The following GABBR2 variants were observed in gnomAD, a reference collection of about 807,000 sequenced individuals.
The protein encoded by GABBR2 is G-protein coupled receptor 51.
GABBR2 carries 23 observed loss-of-function variants against 105.6 expected under a neutral mutation model. That is an observed-to-expected ratio of 0.22 (90% confidence interval 0.16 to 0.31). The LOEUF (loss-of-function observed/expected upper bound fraction) is 0.31, where lower values mean the gene tolerates loss of function less well. GABBR2 is among the 10% of genes least tolerant of loss of function. The pLI, the probability that GABBR2 is intolerant of heterozygous loss-of-function variation, is 1.00. For synonymous variants in GABBR2, 478 were observed against 499.7 expected, an observed-to-expected ratio of 0.96 and a Z score of 0.58; for missense variants, 734 against 1,245.5, an observed-to-expected ratio of 0.59 and a Z score of 6.18.
At chr9:98,562,019 T>C (rs1272595992) in intron 2 of GABBR2, among the ~76,000 whole-genome samples, 1 of 152,196 alleles carries the variant, frequency 6.6e-6, no homozygotes, top group Admixed American at 6.5e-5. Context: ...TCTCAGCGTT[T>C]CACCCCATAG....
At chr9:98,435,306 A>G (rs1825883682) in intron 7 of GABBR2, among the ~76,000 whole-genome samples, 1 of 152,228 alleles carries the variant, frequency 6.6e-6, no homozygotes, top group African/African-American at 2.4e-5. Flanking sequence ...AGTAATGCTC[A>G]CAGTATATAT....
At chr9:98,664,853 C>T (rs2131856048) in intron 1 of GABBR2, among the ~76,000 whole-genome samples, 1 of 152,284 alleles carries the variant, frequency 6.6e-6, no homozygotes, top group South Asian at 2.1e-4. Context: ...GGGCCAGGTG[C>T]AGTGACTCAA....
rs1832223231 is a variant in GABBR2, at chr9:98,393,188, A to G, written c.1378+987T>C. Among the ~76,000 whole-genome samples the G allele has an allele frequency of 3.8e-5, 5 of 133,002 alleles. 1 individual carries two copies. The South Asian group carries it at 1.3e-3, about 33-fold the overall frequency. 87.3% of individuals were successfully genotyped at this position (133,002 alleles called of 152,430 possible). A position where few individuals can be genotyped will look rare whatever the true frequency, so the allele number is the denominator to read the frequency against. On this transcript the variant is annotated intron_variant, in intron 9 of 18. Transcript: ENST00000259455. The stretch of plus-strand genomic sequence containing the variant: ...CATCCATCCATCCATCCATCCATCT[A>G]TCCATCCACTTGATCAATTCATCTA...
At chr9:98,502,592 G>C (rs1827425948) in intron 3 of GABBR2, among the ~76,000 whole-genome samples, 1 of 152,182 alleles carries the variant, frequency 6.6e-6, no homozygotes, top group African/African-American at 2.4e-5. Context: ...GCAACTCCCT[G>C]CTACCCACAG....
At chr9:98,561,728 T>G (rs1176384940) in intron 2 of GABBR2, among the ~76,000 whole-genome samples, 1 of 151,900 alleles carries the variant, frequency 6.6e-6, no homozygotes, top group East Asian at 1.9e-4. Flanking sequence ...ACAAAAAAAT[T>G]TTAAAATTAG....
chr9:98,540,240 A>C (rs1828266624), intron 3 of GABBR2, among the ~76,000 whole-genome samples: 1 of 152,202 alleles, frequency 6.6e-6, no homozygotes, highest in African/African-American at 2.4e-5. Flanking sequence ...ATACCCACAG[A>C]CAGTGGGGCC....
chr9:98,419,643 T>G (rs1486158205), intron 7 of GABBR2, among the ~76,000 whole-genome samples: 1 of 152,202 alleles, frequency 6.6e-6, no homozygotes, highest in Non-Finnish European at 1.5e-5. Context: ...GCTTCTCATG[T>G]TCAGCTTGAT....
At chr9:98,425,914 C>T (rs1825677467) in intron 7 of GABBR2, among the ~76,000 whole-genome samples, 1 of 152,186 alleles carries the variant, frequency 6.6e-6, no homozygotes, top group African/African-American at 2.4e-5. Flanking sequence ...ATGTAGGAGG[C>T]AGCGCTGGAG....
rs534162184 is a variant in GABBR2 at position 98,402,564 on chromosome 9, G to A, written c.1297+3517C>T. ...AAGGCATGCAGTTTATTTGGAAGGT[G>A]ATCCTAGGATGCGCTGTTAGTGGTG... is the stretch of plus-strand genomic sequence containing the variant. On this transcript the variant is annotated intron_variant, in intron 8 of 18. Coordinates refer to ENST00000259455, the MANE Select transcript of GABBR2 (RefSeq NM_005458.8). Among the ~76,000 whole-genome samples the A allele has an allele frequency of 2.0e-5, 3 of 152,150 alleles. No homozygotes were observed. In the East Asian group the frequency reaches 5.8e-4, roughly 29 times the overall value.
At chr9:98,625,772 G>C (rs1454588294) in intron 1 of GABBR2, among the ~76,000 whole-genome samples, 5 of 152,170 alleles carry the variant, frequency 3.3e-5, no homozygotes, top group Admixed American at 3.3e-4. Flanking sequence ...CAGTCTGGAG[G>C]GAATGCATTT....
chr9:98,609,846 C>T (rs889394742), intron 1 of GABBR2, among the ~76,000 whole-genome samples: 20 of 152,202 alleles, frequency 1.3e-4, no homozygotes, highest in African/African-American at 4.8e-4. Context: ...CAAACCCAGG[C>T]TCAGGGCCAG....
At chr9:98,324,940 A>G (rs1255184211) in intron 13 of GABBR2, among the ~76,000 whole-genome samples, 3 of 152,142 alleles carry the variant, frequency 2.0e-5, no homozygotes, top group East Asian at 3.8e-4. Context: ...ACACACACAT[A>G]TACACACACA....
At chr9:98,502,621 T>A (rs1046062039) in intron 3 of GABBR2, among the ~76,000 whole-genome samples, 2 of 152,162 alleles carry the variant, frequency 1.3e-5, no homozygotes, top group Non-Finnish European at 2.9e-5. Context: ...AGTGAACCCC[T>A]GGCTCCTATG....
chr9:98,326,549 T>A (rs1830928147), intron 13 of GABBR2, among the ~76,000 whole-genome samples: 1 of 152,208 alleles, frequency 6.6e-6, no homozygotes, highest in Non-Finnish European at 1.5e-5. Context: ...GAAGTGACAT[T>A]TGACTCTTGT....
rs950764173 is a variant in GABBR2, at chr9:98,306,340, G to A, written c.2010C>T (p.Phe670=). The A allele has an allele frequency of 1.9e-6, 3 of 1,610,904 alleles. No homozygotes were observed. Among genetic ancestry groups the A allele is most frequent in the Admixed American group, 3.3e-5 (2 of 59,958 alleles). The change falls in exon 15 of 19, where the codon TTC becomes TTT. Residue 670 remains phenylalanine (F), a synonymous_variant. Transcript: ENST00000259455. The surrounding 1 kb of genome is among the most constrained non-coding windows in gnomAD (Gnocchi z 5.4). ...GGGTCTCCCAAGCTAAGAAACAACCGAACAACTGAAATGGTGAACAGAAAG... is the reference window on the plus strand; with the variant it reads ...GGGTCTCCCAAGCTAAGAAACAACCAAACAACTGAAATGGTGAACAGAAAG... ...VYAYKGLLML[F]GCFLAWETRN...
rs3983548 is a variant in GABBR2, at chr9:98,324,493, G to GACACACACAC, written c.1894-13298_1894-13289dup. Among the ~76,000 whole-genome samples, 313 of 143,370 alleles carry GACACACACAC rather than the reference G, an allele frequency of 2.2e-3. 2 individuals carry two copies. Among genetic ancestry groups the GACACACACAC allele is most frequent in the African/African-American group, 6.7e-3 (255 of 38,158 alleles). 94.1% of individuals were successfully genotyped at this position (143,370 alleles called of 152,430 possible). On this transcript the variant is annotated intron_variant, in intron 13 of 18. Coordinates refer to ENST00000259455, the MANE Select transcript of GABBR2 (RefSeq NM_005458.8). Reference sequence around the variant, plus strand: ...CAGTAAGACAAAAGACTACAGAGCCGACACACACACACACACACACACACA... The same window carrying GACACACACAC: ...CAGTAAGACAAAAGACTACAGAGCCGACACACACACACACACACACACACACACACACACA...
At chr9:98,352,638 G>T (rs1037151317) in intron 13 of GABBR2, among the ~76,000 whole-genome samples, 4 of 152,130 alleles carry the variant, frequency 2.6e-5, no homozygotes, top group African/African-American at 7.2e-5. Context: ...ATCCCTGAAG[G>T]TGTCTGCAGG....
At chr9:98,584,489 C>T (rs1248122720) in intron 1 of GABBR2, among the ~76,000 whole-genome samples, 2 of 152,096 alleles carry the variant, frequency 1.3e-5, no homozygotes, top group African/African-American at 2.4e-5. Context: ...GGACTTGTCA[C>T]AGAGAAATCA....
At chr9:98,607,295 T>C (rs1829440432) in intron 1 of GABBR2, 4 of 872,158 alleles carry the variant, frequency 4.6e-6, no homozygotes, top group Non-Finnish European at 3.9e-6. Context: ...AGATGCCTGA[T>C]AACGGTGTAG....
Sources: allele counts gnomAD v4.1 joint callset (sites outside exome capture counted in the v4.1 genomes callset), GRCh38; gene constraint gnomAD v4.1.1; non-coding constraint Gnocchi (gnomAD v3.1); transcripts MANE v1.5; gene names NCBI Gene and HGNC (gene_info 2026-07-23, HGNC 2026-07-21).